The following TBL1X variants were observed in gnomAD, a reference collection of about 807,000 sequenced individuals.
TBL1X encodes F-box-like/WD repeat-containing protein TBL1X.
In TBL1X, 10 loss-of-function variants were observed where a neutral mutation model predicts 50.7. The observed-to-expected ratio is 0.20, with a 90% CI of 0.12 to 0.33. The LOEUF is 0.33. Among genes scored for constraint, TBL1X ranks in the 10% least tolerant of loss-of-function variants. The pLI, the probability that TBL1X is intolerant of heterozygous loss-of-function variation, is 1.00. For synonymous variants in TBL1X, 190 were observed against 214.7 expected, an observed-to-expected ratio of 0.88 and a Z score of 1.01; for missense variants, 340 against 504.4, an observed-to-expected ratio of 0.67 and a Z score of 3.12.
Position 9,474,775 on chromosome X carries a change from C to T in TBL1X, c.-201+9328C>T, listed in dbSNP as rs917936652. Among the ~76,000 whole-genome samples, 4 of 112,957 alleles carry T rather than the reference C, an allele frequency of 3.5e-5. No individual in the cohort carries two copies. The East Asian group carries it at 1.1e-3, about 31-fold the overall frequency. ...CTCTGGAGAATTAGGCGTTTTGCTG[C>T]AGAAATGGTTCAGAATTTCAAAGAC... is the stretch of plus-strand genomic sequence containing the variant. On this transcript the variant is annotated intron_variant, in intron 1 of 17. Transcript: ENST00000645353.
At chrX:9,645,420 G>T (rs770310914) in intron 3 of TBL1X, 3 of 111,988 alleles carry the variant, frequency 2.7e-5, no homozygotes, top group Non-Finnish European at 5.6e-5. Context: ...ACTATACAAC[G>T]TGTAGAAAGA....
intron 2 of TBL1X, among the ~76,000 whole-genome samples, chrX:9,568,031 G>C (rs747446436): frequency 8.9e-6 from 1 of 112,012 alleles, no homozygotes; most frequent in Non-Finnish European, 1.9e-5. Flanking sequence ...GGCACGCTGC[G>C]TTGATTGGCC....
In TBL1X at chrX:9,687,951, G is replaced by A. The variant is rs756793563; in HGVS notation, c.358-66G>A. On this transcript the variant is annotated intron_variant, in intron 6 of 17. Coordinates refer to ENST00000645353, the MANE Select transcript of TBL1X (RefSeq NM_005647.4). ...TCCCTGCGCTTCTCCTGCCCAGAGA[G>A]CAGAGGCCATTCCCAGAGCCCTCAC... The A allele has an allele frequency of 2.7e-5, 31 of 1,146,764 alleles. No individual in the cohort carries two copies. In the African/African-American group the frequency reaches 4.6e-4, roughly 17 times the overall value. The allele number at this position is 1,146,764 out of a possible 1,213,427, so 94.5% of individuals were successfully genotyped here.
At chrX:9,525,124 A>G (rs1158336760) in intron 2 of TBL1X, among the ~76,000 whole-genome samples, 3 of 110,776 alleles carry the variant, frequency 2.7e-5, no homozygotes, top group Non-Finnish European at 5.7e-5. Flanking sequence ...TCAGTTACAG[A>G]CAAGACAGTG....
At chrX:9,595,649 A>AG (rs1325471779) in intron 2 of TBL1X, among the ~76,000 whole-genome samples, 1 of 111,647 alleles carries the variant, frequency 9.0e-6, no homozygotes, top group African/African-American at 3.3e-5. Flanking sequence ...TTGAATCCTT[A>AG]GGGTGGACTA....
Position 9,691,811 on chromosome X carries a change from C to G in TBL1X, c.749+100C>G. 16 of 1,066,430 alleles carry G rather than the reference C, an allele frequency of 1.5e-5. No individual in the cohort carries two copies. The South Asian group carries it at 3.3e-4, about 22-fold the overall frequency. The allele number at this position is 1,066,430 out of a possible 1,213,427, so 87.9% of individuals were successfully genotyped here. ...TTCTGCCTAAAGGAACACACACTCC[C>G]CTTCTTACCCCGGTGTGTGGGCAGA... is the stretch of plus-strand genomic sequence containing the variant. On this transcript the variant is annotated intron_variant, in intron 8 of 17. Coordinates refer to ENST00000645353, the MANE Select transcript of TBL1X (RefSeq NM_005647.4).
In TBL1X at chrX:9,702,040, G is replaced by A. The variant is rs372397628; in HGVS notation, c.1115-2953G>A. Among the ~76,000 whole-genome samples, 474 of 111,690 alleles carry A rather than the reference G, an allele frequency of 4.2e-3. 1 individual carries two copies. Among genetic ancestry groups the A allele is most frequent in the African/African-American group, 0.015 (448 of 30,747 alleles). On this transcript the variant is annotated intron_variant, in intron 12 of 17. Transcript: ENST00000645353. ...TGCTTATGGAGGATAAACACATGGAGGCTTGCACCTCTTATTTGAAGACCG... is the reference window on the plus strand; with the variant it reads ...TGCTTATGGAGGATAAACACATGGAAGCTTGCACCTCTTATTTGAAGACCG...
Position 9,475,365 on chromosome X carries a change from C to G in TBL1X, c.-201+9918C>G, listed in dbSNP as rs182570948. On this transcript the variant is annotated intron_variant, in intron 1 of 17. Transcript: ENST00000645353. Reference sequence around the variant, plus strand: ...TTAAGCAATTCTCCTGCCTCAGCATCCCGAGTAGCTGGGATTACAGGTGCC... The same window carrying G: ...TTAAGCAATTCTCCTGCCTCAGCATGCCGAGTAGCTGGGATTACAGGTGCC... Among the ~76,000 whole-genome samples the G allele has an allele frequency of 8.1e-5, 9 of 110,917 alleles. No homozygotes were observed. The East Asian group carries it at 2.5e-3, about 31-fold the overall frequency.
intron 16 of TBL1X, among the ~76,000 whole-genome samples, chrX:9,712,472 G>C (rs1318631687): frequency 1.8e-5 from 2 of 112,285 alleles, no homozygotes; most frequent in Non-Finnish European, 3.8e-5. Flanking sequence ...TGAATAGCTG[G>C]AATTACAGGC....
intron 2 of TBL1X, among the ~76,000 whole-genome samples, chrX:9,611,354 G>A (rs73632608): frequency 0.068 from 7,606 of 112,209 alleles, 243 homozygotes; most frequent in Middle Eastern, 0.13. Flanking sequence ...GTTTCTCCTT[G>A]ATGCCCACCT....
rs147834972 is a variant in TBL1X at position 9,684,307 on chromosome X, G to A, written c.357+119G>A. 1.1e-3 allele frequency: 1,073 copies of A among 974,074 alleles called. 11 individuals carry two copies. In the East Asian group the frequency reaches 0.028, roughly 25 times the overall value. The allele number at this position is 974,074 out of a possible 1,213,427, so 80.3% of individuals were successfully genotyped here. ...GGCATTTGGGATTAATTCCGCGGCA[G>A]GGTGCAGTGGCTCATGCCTGTAATC... On this transcript the variant is annotated intron_variant, in intron 6 of 17. Transcript: ENST00000645353.
chrX:9,558,674 G>A (rs1385537829), intron 2 of TBL1X, among the ~76,000 whole-genome samples: 1 of 111,124 alleles, frequency 9.0e-6, no homozygotes, highest in Admixed American at 9.6e-5. Flanking sequence ...GGGTTACTAG[G>A]CACCTGTTAA....
At chrX:9,654,807 A>T (rs1016123828) in intron 5 of TBL1X, among the ~76,000 whole-genome samples, 1 of 111,488 alleles carries the variant, frequency 9.0e-6, no homozygotes, top group Non-Finnish European at 1.9e-5. Context: ...CTTTATGGTT[A>T]GTAAGTAAAC....
At chrX:9,702,623 A>G (rs1242830583) in intron 12 of TBL1X, among the ~76,000 whole-genome samples, 1 of 109,556 alleles carries the variant, frequency 9.1e-6, no homozygotes, top group African/African-American at 3.3e-5. Flanking sequence ...AAAAAAAAAA[A>G]AACTCACATA....
intron 2 of TBL1X, among the ~76,000 whole-genome samples, chrX:9,606,957 A>G (rs930530306): frequency 9.8e-5 from 11 of 112,361 alleles, no homozygotes; most frequent in African/African-American, 3.6e-4. Context: ...ATAACCTACT[A>G]CAGTCTTCTG....
At chrX:9,483,555 C>A (rs995270715) in intron 1 of TBL1X, among the ~76,000 whole-genome samples, 1 of 111,389 alleles carries the variant, frequency 9.0e-6, no homozygotes, top group African/African-American at 3.3e-5. Context: ...CTAACTCCCC[C>A]CAACAAGAGC....
At position 9,511,561 on chromosome X, in the gene TBL1X, G is replaced by A. The variant is rs143185887; in HGVS notation, c.-131+9712G>A. On this transcript the variant is annotated intron_variant, in intron 2 of 17. Coordinates refer to ENST00000645353, the MANE Select transcript of TBL1X (RefSeq NM_005647.4). ...AGGAGATTTTAAAAATTCTACCCCT[G>A]GAGGATGGGTTGGCATTTGTCTTCC... Among the ~76,000 whole-genome samples, 1,027 of 112,507 alleles carry A rather than the reference G, an allele frequency of 9.1e-3. 14 individuals carry two copies. The highest frequency in any genetic ancestry group is 0.032 in the African/African-American group (983 of 30,985).
chrX:9,595,584 T>C (rs189499009), intron 2 of TBL1X, among the ~76,000 whole-genome samples: 14 of 112,086 alleles, frequency 1.2e-4, no homozygotes, highest in Non-Finnish European at 1.9e-4. Context: ...TGTCGGTGTC[T>C]CACTGGCTTT....
chrX:9,645,970 A>G (rs1481527621), intron 3 of TBL1X, among the ~76,000 whole-genome samples: 1 of 112,474 alleles, frequency 8.9e-6, no homozygotes, highest in Non-Finnish European at 1.9e-5. Context: ...TTTAATGTCA[A>G]ACAACGTAAC....
Sources: allele counts gnomAD v4.1 joint callset (sites outside exome capture counted in the v4.1 genomes callset), GRCh38; gene constraint gnomAD v4.1.1; transcripts MANE v1.5; gene names NCBI Gene and HGNC (gene_info 2026-07-23, HGNC 2026-07-21).